The following ARHGEF18 variants were observed in gnomAD, a reference collection of about 807,000 sequenced individuals.
The protein encoded by ARHGEF18 is rho guanine nucleotide exchange factor 18.
A neutral mutation model predicts 155.7 loss-of-function variants in ARHGEF18; 93 were observed. The ratio of observed to expected loss-of-function variants is 0.60; its 90% confidence interval spans 0.50 to 0.71. ARHGEF18 has a LOEUF of 0.71. Among genes scored for constraint, ARHGEF18 ranks in the 30% least tolerant of loss-of-function variants. ARHGEF18 has a pLI of 0.00. For synonymous variants in ARHGEF18, 742 were observed against 753.1 expected, an observed-to-expected ratio of 0.99 and a Z score of 0.24; for missense variants, 1,593 against 1,816.1, an observed-to-expected ratio of 0.88 and a Z score of 2.23.
Position 7,467,631 on chromosome 19 carries a change from C to T in ARHGEF18, c.3427C>T (p.Leu1143Phe). ...GGAGCGCCTGGAGCTGCTGCGCCGC[C>T]TCAAGAAGCAGAACACCGCGCCAGG... is the stretch of plus-strand genomic sequence containing the variant. ...ERERLELLRR[L>F]KKQNTAPGAL... The change falls in exon 26 of 29, where the codon CTC becomes TTC. Residue 1143 changes from leucine to phenylalanine, a missense_variant. Leu to Phe is a conservative substitution (Grantham distance 22). Transcript: ENST00000668164. 2 of 1,515,484 alleles carry T rather than the reference C, an allele frequency of 1.3e-6. No individual in the cohort carries two copies. The highest frequency in any genetic ancestry group is 1.8e-6 in the Non-Finnish European group (2 of 1,139,576). 93.9% of individuals were successfully genotyped at this position (1,515,484 alleles called of 1,614,324 possible). A position where few individuals can be genotyped will look rare whatever the true frequency, so the allele number is the denominator to read the frequency against.
intron 1 of ARHGEF18, among the ~76,000 whole-genome samples, chr19:7,351,305 T>TTTGTTTG (rs1969149813): frequency 4.0e-5 from 6 of 150,304 alleles, no homozygotes; most frequent in Admixed American, 3.3e-4. Flanking sequence ...AGTGGACTTC[T>TTTGTTTG]TTTGTTTGTT....
At chr19:7,416,817 A>G (rs1179704001) in intron 10 of ARHGEF18, among the ~76,000 whole-genome samples, 1 of 151,280 alleles carries the variant, frequency 6.6e-6, no homozygotes, top group Non-Finnish European at 1.5e-5. Flanking sequence ...GTTAGCCAGG[A>G]TGGTCTCGAT....
intron 26 of ARHGEF18, among the ~76,000 whole-genome samples, chr19:7,468,379 T>TAA (rs75289003): frequency 2.6e-4 from 39 of 148,888 alleles, no homozygotes; most frequent in African/African-American, 8.6e-4. Flanking sequence ...ACCTCATCTC[T>TAA]AAAAAAAAAA....
intron 10 of ARHGEF18, among the ~76,000 whole-genome samples, chr19:7,403,392 C>G (rs868452086): frequency 4.5e-4 from 68 of 152,188 alleles, no homozygotes; most frequent in African/African-American, 1.6e-3. Context: ...CACGACCCTA[C>G]TTTCTGTCTC....
At chr19:7,357,550 CA>C (rs1376412998) in intron 1 of ARHGEF18, among the ~76,000 whole-genome samples, 1 of 152,142 alleles carries the variant, frequency 6.6e-6, no homozygotes, top group Non-Finnish European at 1.5e-5. Flanking sequence ...GGGTGGGGAG[CA>C]GGGTGCATCC....
rs1568359261 is a variant in ARHGEF18 at position 7,459,958 on chromosome 19, G to A, written c.2416G>A (p.Val806Ile). The A allele has an allele frequency of 6.3e-7, 1 of 1,590,832 alleles. No homozygotes were observed. Among genetic ancestry groups the A allele is most frequent in the Non-Finnish European group, 8.6e-7 (1 of 1,168,640 alleles). Residue 806 changes from valine to isoleucine, a missense_variant, in exon 20 of 29, where the codon GTC becomes ATC. Physicochemically the swap from Val to Ile is conservative, Grantham distance 29 (BLOSUM62 3). Transcript: ENST00000668164. ...CCTGCCCGAAGAGGAAAGGAAGGTGGTCGAGGCCCGCGCCACGAGACTCCG... is the reference window on the plus strand; with the variant it reads ...CCTGCCCGAAGAGGAAAGGAAGGTGATCGAGGCCCGCGCCACGAGACTCCG... ...FSLPEEERKVVEARATRLRDF... is the reference protein window; with the variant it reads ...FSLPEEERKVIEARATRLRDF...
Position 7,470,162 on chromosome 19 carries a change from A to T in ARHGEF18, c.3950A>T (p.Asp1317Val), listed in dbSNP as rs2145924599. 6.2e-7 allele frequency: 1 copy of T among 1,612,086 alleles called. No individual in the cohort carries two copies. The change falls in exon 29 of 29, where the codon GAC (aspartate) becomes GTC (valine). Residue 1317 changes from aspartate (D) to valine (V), a missense_variant. Asp to Val is a radical substitution (Grantham distance 152, BLOSUM62 -3). Transcript: ENST00000668164. This position sits in a 1 kb window ranked among gnomAD's most constrained non-coding sequence, Gnocchi z 5.9. ...CCCGCCCCGAGCCCACCGCCAGCTG[A>T]CAGCCCCTCCGAGGGCTTCTCTCTC... ...GFPAPSPPPA[D>V]SPSEGFSLKA...
At chr19:7,369,818 G>GAAA (rs1970118273) in intron 2 of ARHGEF18, among the ~76,000 whole-genome samples, 1 of 151,830 alleles carries the variant, frequency 6.6e-6, no homozygotes, top group Non-Finnish European at 1.5e-5. Flanking sequence ...AAGAAAGAAA[G>GAAA]AAAGAAAGTT....
chr19:7,378,978 C>T, intron 6 of ARHGEF18, 144 bp from the exon 7 acceptor site: 1 of 570,476 alleles, frequency 1.8e-6, no homozygotes. Context: ...CAGGCGTGAG[C>T]CACTGTGCCC....
chr19:7,352,531 C>CTTTTT lies in ARHGEF18; in HGVS notation c.-111+3306_-111+3310dup, dbSNP rs35219215. Among the ~76,000 whole-genome samples the CTTTTT allele has an allele frequency of 2.0e-3, 182 of 93,190 alleles. 9 individuals carry two copies. The highest frequency in any genetic ancestry group is 5.4e-3 in the African/African-American group (118 of 21,778). 61.1% of individuals were successfully genotyped at this position (93,190 alleles called of 152,430 possible). A position where few individuals can be genotyped will look rare whatever the true frequency, so the allele number is the denominator to read the frequency against. ...TGTCCTTCTCACTTTCCTAGGTTTC[C>CTTTTT]TTTTTTTTTTTTTTTTTTTTGAGAT... On this transcript the variant is annotated intron_variant, in intron 1 of 28. Coordinates refer to ENST00000668164, the MANE Select transcript of ARHGEF18 (RefSeq NM_001367823.1).
intron 1 of ARHGEF18, among the ~76,000 whole-genome samples, chr19:7,361,658 G>A: frequency 6.6e-6 from 1 of 152,108 alleles, no homozygotes; most frequent in East Asian, 1.9e-4. Context: ...TACACGAAAT[G>A]TGGTATCTCC....
intron 10 of ARHGEF18, among the ~76,000 whole-genome samples, chr19:7,415,651 C>T (rs1299328450): frequency 1.3e-5 from 2 of 151,942 alleles, no homozygotes; most frequent in African/African-American, 2.4e-5. Context: ...CCCTCCCAGA[C>T]GTCCTCTCCC....
chr19:7,407,588 C>T (rs1178428455), intron 10 of ARHGEF18, among the ~76,000 whole-genome samples: 1 of 152,132 alleles, frequency 6.6e-6, no homozygotes, highest in African/African-American at 2.4e-5. Flanking sequence ...AGGGATAGAG[C>T]ATTGGGAGTT....
Position 7,376,705 on chromosome 19 carries a change from C to A in ARHGEF18, c.489C>A (p.Ile163=), listed in dbSNP as rs1399950692. The part of the protein sequence containing the change: ...SRSVPVSFYE[I]RSPEISPGLE... The stretch of plus-strand genomic sequence containing the variant: ...CCGTTCCTGTGTCCTTCTATGAGAT[C>A]CGCTCTCCGGAAATCTCTCCGGGTT... The change falls in exon 5 of 29, where the codon ATC becomes ATA. Residue 163 remains isoleucine, a synonymous_variant. Coordinates refer to ENST00000668164, the MANE Select transcript of ARHGEF18 (RefSeq NM_001367823.1). 2.1e-5 allele frequency: 26 copies of A among 1,234,332 alleles called. No homozygotes were observed. Among genetic ancestry groups the A allele is most frequent in the African/African-American group, 3.1e-5 (2 of 64,502 alleles). 76.5% of individuals were successfully genotyped at this position (1,234,332 alleles called of 1,614,324 possible). A position where few individuals can be genotyped will look rare whatever the true frequency, so the allele number is the denominator to read the frequency against.
chr19:7,424,178 C>G (rs1035548659), intron 10 of ARHGEF18, among the ~76,000 whole-genome samples: 3 of 152,034 alleles, frequency 2.0e-5, no homozygotes, highest in Non-Finnish European at 2.9e-5. Context: ...AGGCGCCCAC[C>G]ACCACGCCCG....
chr19:7,456,154 G>C (rs1000416437), intron 17 of ARHGEF18, among the ~76,000 whole-genome samples, 173 bp from the exon 18 acceptor site: 4 of 152,210 alleles, frequency 2.6e-5, no homozygotes, highest in African/African-American at 9.6e-5. Context: ...GCTGAAGGTT[G>C]AGACCTGGAA....
chr19:7,439,577 A>G, intron 10 of ARHGEF18: 2 of 659,212 alleles, frequency 3.0e-6, no homozygotes, highest in Non-Finnish European at 3.8e-6. Flanking sequence ...AGCGGTTTGC[A>G]GCCCCTGTTG....
chr19:7,376,510 T>G, intron 4 of ARHGEF18, 133 bp from the exon 5 acceptor site: 7 of 452,426 alleles, frequency 1.5e-5, no homozygotes, highest in East Asian at 3.6e-5. Context: ...GGCTGGAGGC[T>G]GAGGCTTGGA....
intron 18 of ARHGEF18, among the ~76,000 whole-genome samples, chr19:7,456,834 G>A (rs753986689): frequency 2.6e-5 from 4 of 152,192 alleles, no homozygotes; most frequent in African/African-American, 4.8e-5. Context: ...GCCCATGGAA[G>A]GGGCACCTGT....
Sources: gnomAD v4.1 joint callset for allele counts (sites outside exome capture counted in the v4.1 genomes callset) on GRCh38, gnomAD v4.1.1 for gene constraint, Gnocchi (gnomAD v3.1) non-coding constraint, MANE v1.5 for transcripts, NCBI Gene and HGNC (gene_info 2026-07-23, HGNC 2026-07-21) for gene names.